Variants in GRM1 observed in about 807,000 individuals in gnomAD.
GRM1 encodes glutamate metabotropic receptor 1, also known as metabotropic glutamate receptor 1.
GRM1 carries 33 observed loss-of-function variants against 90.9 expected under a neutral mutation model. The observed-to-expected ratio is 0.36, with a 90% CI of 0.28 to 0.49. The LOEUF (loss-of-function observed/expected upper bound fraction) is 0.49. Ranked by LOEUF, GRM1 falls within the 20% of genes least tolerant of loss-of-function variation. The probability of loss-of-function intolerance (pLI) is 0.99; values close to 1 mark genes in which losing one functional copy is unlikely to be tolerated. For synonymous variants in GRM1, 700 were observed against 613.2 expected, an observed-to-expected ratio of 1.14 and a Z score of -2.09; for missense variants, 1,190 against 1,534.3, an observed-to-expected ratio of 0.78 and a Z score of 3.75.
At chr6:146,277,624 G>A (rs182074000) in intron 2 of GRM1, among the ~76,000 whole-genome samples, 3 of 152,242 alleles carry the variant, frequency 2.0e-5, no homozygotes, top group African/African-American at 7.2e-5. Flanking sequence ...AAGACACCTG[G>A]AACCTTGCTC....
chr6:146,159,487 G>C lies in GRM1; in HGVS notation c.840G>C (p.Arg280Ser). 1 of 1,614,190 alleles carries C rather than the reference G, an allele frequency of 6.2e-7. No homozygotes were observed. The highest frequency in any genetic ancestry group is 1.7e-5 in the Admixed American group (1 of 60,030). Residue 280 changes from arginine (R) to serine (S), a missense_variant, in exon 2 of 8, where the codon AGG becomes AGC. Physicochemically the swap from Arg to Ser is moderately radical, Grantham distance 110. Transcript: ENST00000282753. ...FDRLLRKLRE[R>S]LPKARVVVCF... ...GACTCTTGCGCAAACTCCGAGAGAGGCTTCCCAAGGCTAGAGTGGTGGTCT... is the reference window on the plus strand; with the variant it reads ...GACTCTTGCGCAAACTCCGAGAGAGCCTTCCCAAGGCTAGAGTGGTGGTCT...
intron 3 of GRM1, among the ~76,000 whole-genome samples, chr6:146,311,810 T>C (rs1412963080): frequency 1.3e-5 from 2 of 152,224 alleles, no homozygotes; most frequent in Non-Finnish European, 1.5e-5. Flanking sequence ...TTACATAGCA[T>C]GATAGGTAAC....
chr6:146,101,474 T>C (rs1276086899), intron 1 of GRM1, among the ~76,000 whole-genome samples: 1 of 152,178 alleles, frequency 6.6e-6, no homozygotes, highest in Non-Finnish European at 1.5e-5. Context: ...ACTCTATGTC[T>C]TTTTCCTTTC....
Position 146,029,547 on chromosome 6 carries a change from A to T in GRM1, c.30A>T (p.Pro10=). ...TCGGGCTCCTTTTGTTTTTTTTCCC[A>T]GCGATCTTTTTGGAGGTGTCCCTTC... The part of the protein sequence containing the change: MVGLLLFFF[P]AIFLEVSLLP... Residue 10 remains proline (P), a synonymous_variant, in exon 1 of 8, where the codon CCA becomes CCT. Coordinates refer to ENST00000282753, the MANE Select transcript of GRM1 (RefSeq NM_001278064.2). 6.2e-7 allele frequency: 1 copy of T among 1,613,738 alleles called. No individual in the cohort carries two copies. The highest frequency in any genetic ancestry group is 8.5e-7 in the Non-Finnish European group (1 of 1,179,900).
chr6:146,130,991 A>G (rs997676615), intron 1 of GRM1, among the ~76,000 whole-genome samples: 8 of 152,188 alleles, frequency 5.3e-5, no homozygotes, highest in Admixed American at 1.3e-4. Flanking sequence ...ACCTAACAAT[A>G]GTAAACTGGG....
At chr6:146,189,118 A>G (rs1287532015) in intron 2 of GRM1, among the ~76,000 whole-genome samples, 1 of 152,224 alleles carries the variant, frequency 6.6e-6, no homozygotes, top group Non-Finnish European at 1.5e-5. Flanking sequence ...TTTGAAAGCA[A>G]AAGAATTCCA....
At chr6:146,396,069 C>CATCTATCTATAT (rs144984512) in intron 6 of GRM1, among the ~76,000 whole-genome samples, 1 of 136,114 alleles carries the variant, frequency 7.3e-6, no homozygotes, top group Non-Finnish European at 1.6e-5. Context: ...ACCTATCCAT[C>CATCTATCTATAT]ATCTATCTAT....
intron 1 of GRM1, among the ~76,000 whole-genome samples, chr6:146,095,731 C>T (rs1437039163): frequency 6.6e-6 from 1 of 152,098 alleles, no homozygotes; most frequent in Non-Finnish European, 1.5e-5. Context: ...GAATGATGAG[C>T]TGCAATTCTG....
At chr6:146,184,038 C>G (rs559467501) in intron 2 of GRM1, among the ~76,000 whole-genome samples, 2 of 152,098 alleles carry the variant, frequency 1.3e-5, no homozygotes, top group Non-Finnish European at 2.9e-5. Flanking sequence ...AAATGTAGGA[C>G]CTGGAACACT....
intron 1 of GRM1, among the ~76,000 whole-genome samples, chr6:146,133,390 G>A (rs1298616983): frequency 1.3e-5 from 2 of 152,004 alleles, no homozygotes; most frequent in East Asian, 1.9e-4. Context: ...TCATTTTTTG[G>A]CTACTAATTA....
chr6:146,289,976 C>G (rs1370174746), intron 2 of GRM1, among the ~76,000 whole-genome samples: 1 of 151,722 alleles, frequency 6.6e-6, no homozygotes, highest in Non-Finnish European at 1.5e-5. Flanking sequence ...GTACCTGTAG[C>G]GAAGTGTGAA....
intron 7 of GRM1, among the ~76,000 whole-genome samples, chr6:146,425,068 C>T (rs964899644): frequency 1.3e-5 from 2 of 151,986 alleles, no homozygotes; most frequent in Non-Finnish European, 2.9e-5. Flanking sequence ...TGAAGTTACA[C>T]CAAGGTGTCT....
intron 2 of GRM1, among the ~76,000 whole-genome samples, chr6:146,281,393 C>T (rs1583269319): frequency 6.6e-6 from 1 of 152,286 alleles, no homozygotes; most frequent in Non-Finnish European, 1.5e-5. Flanking sequence ...GATGTCCTTT[C>T]AACTCTAAGT....
At chr6:146,187,333 C>T (rs1480404730) in intron 2 of GRM1, among the ~76,000 whole-genome samples, 1 of 152,030 alleles carries the variant, frequency 6.6e-6, no homozygotes, top group Non-Finnish European at 1.5e-5. Flanking sequence ...TAAATGAAGA[C>T]TGCATCAAGA....
At chr6:146,404,553 T>G (rs565413850) in intron 7 of GRM1, among the ~76,000 whole-genome samples, 1 of 152,278 alleles carries the variant, frequency 6.6e-6, no homozygotes, top group South Asian at 2.1e-4. Flanking sequence ...AACTTGACCA[T>G]AAAGCATGTT....
chr6:146,268,516 G>T (rs1782001945), intron 2 of GRM1, among the ~76,000 whole-genome samples: 1 of 151,992 alleles, frequency 6.6e-6, no homozygotes. Flanking sequence ...TATCTTCAAT[G>T]CCAGTCACAT....
chr6:146,312,349 CAAAAAAAAAAAAAAAAAA>C (rs1166008558), intron 3 of GRM1, among the ~76,000 whole-genome samples: 5 of 21,338 alleles, frequency 2.3e-4, no homozygotes, highest in Non-Finnish European at 3.7e-4. Context: ...AACTCCGTCT[CAAAAAAAAAAAAAAAAAA>C]AAAAAAAAAA....
chr6:146,294,490 A>G (rs923561877), intron 2 of GRM1, among the ~76,000 whole-genome samples: 1 of 152,068 alleles, frequency 6.6e-6, no homozygotes, highest in Non-Finnish European at 1.5e-5. Context: ...TATTAACTAG[A>G]TTAATTTTTA....
At chr6:146,397,473 C>CAAAAAAAAAAAAAAAAAAA (rs1195779695) in intron 6 of GRM1, among the ~76,000 whole-genome samples, 3 of 16,774 alleles carry the variant, frequency 1.8e-4, no homozygotes, top group African/African-American at 6.5e-4. Flanking sequence ...GACCCCGTCT[C>CAAAAAAAAAAAAAAAAAAA]AAAAAAAAAA....
Sources: gnomAD v4.1 joint callset for allele counts (sites outside exome capture counted in the v4.1 genomes callset) on GRCh38, gnomAD v4.1.1 for gene constraint, MANE v1.5 for transcripts, NCBI Gene and HGNC (gene_info 2026-07-23, HGNC 2026-07-21) for gene names.